The following TRIM55 variants were observed in gnomAD, a reference collection of about 807,000 sequenced individuals.
TRIM55 encodes tripartite motif-containing protein 55.
In TRIM55, 50 loss-of-function variants were observed where a neutral mutation model predicts 60.9. The observed-to-expected ratio is 0.82, with a 90% confidence interval of 0.65 to 1.04. The LOEUF is 1.04. Ranked by LOEUF, TRIM55 falls within the 50% of genes least tolerant of loss-of-function variation. The pLI is 0.00. For synonymous variants in TRIM55, 237 were observed against 238.1 expected (o/e 1.00, Z 0.04); for missense variants, 681 against 666.9 (o/e 1.02, Z -0.23).
At chr8:66,157,228 C>A (rs1458441790) in intron 9 of TRIM55, among the ~76,000 whole-genome samples, 1 of 152,030 alleles carries the variant, frequency 6.6e-6, no homozygotes, top group Non-Finnish European at 1.5e-5. Flanking sequence ...GCAGGTGGAG[C>A]AGGTGTGGGG....
intron 2 of TRIM55, among the ~76,000 whole-genome samples, chr8:66,134,332 G>A (rs1353709411): frequency 1.3e-5 from 2 of 152,252 alleles, no homozygotes; most frequent in Non-Finnish European, 2.9e-5. Flanking sequence ...TATATAAGGA[G>A]GTACACCCAC....
At chr8:66,151,644 C>A (rs1240216931) in intron 7 of TRIM55, among the ~76,000 whole-genome samples, 1 of 152,074 alleles carries the variant, frequency 6.6e-6, no homozygotes, top group Non-Finnish European at 1.5e-5. Flanking sequence ...GAGTTTGAGA[C>A]CAGCCTGGCC....
intron 4 of TRIM55, among the ~76,000 whole-genome samples, chr8:66,139,702 C>A (rs1190419253): frequency 1.3e-5 from 2 of 152,098 alleles, no homozygotes; most frequent in Non-Finnish European, 2.9e-5. Flanking sequence ...TGTAATCATT[C>A]CCTGCAGGAC....
chr8:66,144,213 T>G (rs1586200304), intron 4 of TRIM55, among the ~76,000 whole-genome samples: 2 of 152,228 alleles, frequency 1.3e-5, no homozygotes, highest in East Asian at 3.8e-4. Context: ...ATTTGATTTT[T>G]TTTCTTTACA....
intron 9 of TRIM55, among the ~76,000 whole-genome samples, chr8:66,163,911 T>G (rs188302983): frequency 6.6e-6 from 1 of 152,364 alleles, no homozygotes; most frequent in Admixed American, 6.5e-5. Context: ...TGTCTATTCT[T>G]ACAGTATCAG....
At chr8:66,161,593 T>C (rs189070468) in intron 9 of TRIM55, among the ~76,000 whole-genome samples, 1 of 152,142 alleles carries the variant, frequency 6.6e-6, no homozygotes, top group Admixed American at 6.5e-5. Flanking sequence ...GGAATTGCAT[T>C]GAATTTTTAG....
intron 2 of TRIM55, among the ~76,000 whole-genome samples, chr8:66,131,471 C>A (rs1326657664): frequency 6.6e-6 from 1 of 152,184 alleles, no homozygotes; most frequent in Non-Finnish European, 1.5e-5. Context: ...TATTGACTTT[C>A]CACTGTAGAC....
At chr8:66,115,600 A>C in the TRIM55 span, among the ~76,000 whole-genome samples, 1 of 152,212 alleles carries the variant, frequency 6.6e-6, no homozygotes, top group African/African-American at 2.4e-5. Flanking sequence ...CAAAACTCAA[A>C]GGATATCTCA....
chr8:66,116,456 A>C, the TRIM55 span, among the ~76,000 whole-genome samples: 1 of 151,734 alleles, frequency 6.6e-6, no homozygotes, highest in African/African-American at 2.4e-5. Context: ...AAAATACAAA[A>C]AGTAGCTGCG....
chr8:66,151,661 G>A (rs945757795), intron 7 of TRIM55, among the ~76,000 whole-genome samples: 2 of 152,008 alleles, frequency 1.3e-5, no homozygotes, highest in Non-Finnish European at 2.9e-5. Flanking sequence ...GGCCAACATG[G>A]TGAAACCCCA....
chr8:66,164,933 A>AGAAG (rs66566563), intron 9 of TRIM55, among the ~76,000 whole-genome samples: 9,186 of 148,924 alleles, frequency 0.062, 339 homozygotes, highest in South Asian at 0.085. Context: ...GAAGGAGGAA[A>AGAAG]GAAGGAAGGA....
At chr8:66,151,567 G>T (rs1810417910) in intron 7 of TRIM55, among the ~76,000 whole-genome samples, 2 of 152,276 alleles carry the variant, frequency 1.3e-5, no homozygotes, top group African/African-American at 4.8e-5. Flanking sequence ...AGATCAGTGG[G>T]TCAGGAAAAG....
intron 9 of TRIM55, among the ~76,000 whole-genome samples, chr8:66,157,867 G>A (rs1810832040): frequency 6.6e-6 from 1 of 152,012 alleles, no homozygotes; most frequent in Non-Finnish European, 1.5e-5. Flanking sequence ...AAAAAAAACC[G>A]GTCATGGCAA....
chr8:66,142,008 G>A (rs1212563197), intron 4 of TRIM55, among the ~76,000 whole-genome samples: 1 of 152,332 alleles, frequency 6.6e-6, no homozygotes, highest in Middle Eastern at 3.4e-3. Context: ...TTTTAGTTCT[G>A]TTGCTTAATT....
chr8:66,164,902 T>C (rs1191956298), intron 9 of TRIM55, among the ~76,000 whole-genome samples: 3 of 134,078 alleles, frequency 2.2e-5, no homozygotes, highest in Non-Finnish European at 5.0e-5. Context: ...GAAAGGAAAA[T>C]GGAAGGGAAA....
Position 66,154,062 on chromosome 8 carries a change from A to G in TRIM55, c.1252A>G (p.Thr418Ala). 1 of 1,612,926 alleles carries G rather than the reference A, an allele frequency of 6.2e-7. No homozygotes were observed. The highest frequency in any genetic ancestry group is 8.5e-7 in the Non-Finnish European group (1 of 1,179,662). ...APVTQGEVVP[T>A]GSEQTTESET... ...CCTGATTAAGGGGGAGGTTGTACCC[A>G]CTGGCTCTGAGCAGACCACAGAGTC... Residue 418 changes from threonine to alanine, a missense_variant, in exon 9 of 10, where the codon ACT becomes GCT. Physicochemically the swap from Thr to Ala is moderately conservative, Grantham distance 58. Transcript: ENST00000315962.
chr8:66,120,762 G>A, the TRIM55 span, among the ~76,000 whole-genome samples: 3 of 152,116 alleles, frequency 2.0e-5, no homozygotes, highest in Admixed American at 6.5e-5. Flanking sequence ...TCTTTTGGCC[G>A]GTCTTAATTT....
At chr8:66,165,300 T>C (rs969627342) in intron 9 of TRIM55, among the ~76,000 whole-genome samples, 1 of 152,178 alleles carries the variant, frequency 6.6e-6, no homozygotes, top group African/African-American at 2.4e-5. Flanking sequence ...CTATACATTC[T>C]TATTTCAAGT....
intron 9 of TRIM55, among the ~76,000 whole-genome samples, chr8:66,164,689 T>G (rs1811224627): frequency 1.3e-5 from 2 of 152,168 alleles, no homozygotes; most frequent in African/African-American, 4.8e-5. Context: ...CTTATGGCTC[T>G]TCACTCTCAA....
Sources: gnomAD v4.1 joint callset for allele counts (sites outside exome capture counted in the v4.1 genomes callset) on GRCh38, gnomAD v4.1.1 for gene constraint, MANE v1.5 for transcripts, NCBI Gene and HGNC (gene_info 2026-07-23, HGNC 2026-07-21) for gene names.